Variants in GOSR2 observed in about 807,000 individuals in gnomAD.
GOSR2 encodes the protein 27 kDa Golgi SNARE protein.
Under a neutral mutation model 27.9 loss-of-function variants are expected in GOSR2, and 20 were observed. The observed-to-expected ratio is 0.72, with a 90% CI of 0.50 to 1.04. GOSR2 has a LOEUF of 1.04. Ranked by LOEUF, GOSR2 falls within the 50% of genes least tolerant of loss-of-function variation. The pLI is 0.00. For missense variants in GOSR2, 261 were observed against 270.5 expected, an observed-to-expected ratio of 0.97 and a Z score of 0.25; for synonymous variants, 91 against 98.8, an observed-to-expected ratio of 0.92 and a Z score of 0.47.
At chr17:46,942,329 G>A (rs2089393324), downstream of GOSR2, among the ~76,000 whole-genome samples, 1 of 152,212 alleles carries the variant, frequency 6.6e-6, no homozygotes, top group African/African-American at 2.4e-5. Flanking sequence ...GGATTTTCCT[G>A]GCTCCATCCC....
downstream of GOSR2, among the ~76,000 whole-genome samples, chr17:46,945,041 G>C (rs147217245): frequency 1.4e-3 from 218 of 152,314 alleles, 1 homozygote; most frequent in Middle Eastern, 6.8e-3. Context: ...AGGTTGAGAG[G>C]TGATAGTTTA....
At chr17:46,943,150 G>A (rs1042082440), downstream of GOSR2, among the ~76,000 whole-genome samples, 3 of 152,108 alleles carry the variant, frequency 2.0e-5, no homozygotes, top group Admixed American at 1.3e-4. Flanking sequence ...AGGCTAGCCC[G>A]TCCCCCATGC....
At position 46,940,805 on chromosome 17, in the gene GOSR2, C is replaced by A; in HGVS notation, c.*2045C>A. 1.3e-6 allele frequency: 2 copies of A among 1,482,306 alleles called. No individual in the cohort carries two copies. The highest frequency in any genetic ancestry group is 1.8e-6 in the Non-Finnish European group (2 of 1,118,314). The allele number at this position is 1,482,306 out of a possible 1,614,324, so 91.8% of individuals were successfully genotyped here. A position where few individuals can be genotyped will look rare whatever the true frequency, so the allele number is the denominator to read the frequency against. On this transcript the variant is annotated 3_prime_UTR_variant, in exon 6 of 6. Coordinates refer to ENST00000640051, the MANE Select transcript of GOSR2 (RefSeq NM_004287.5). ...AAAATTGCAGAGGTGGTTTTTGGGT[C>A]TTTACCACCTGCGGCTGGTGGACAG...
chr17:46,962,025 T>C (rs1297168054), intron 6 of GOSR2, among the ~76,000 whole-genome samples: 1 of 151,954 alleles, frequency 6.6e-6, no homozygotes, highest in Non-Finnish European at 1.5e-5. Context: ...TGGGGCATAG[T>C]TGGAATTCCA....
intron 5 of GOSR2, chr17:46,937,688 T>C (rs2088627034): frequency 6.6e-6 from 1 of 152,248 alleles, no homozygotes; most frequent in Non-Finnish European, 1.5e-5. Flanking sequence ...TTCATGCTAC[T>C]CTTTTCTATG....
rs2087307496 is a variant in GOSR2, at chr17:46,931,130, C to G, written c.126C>G (p.Asp42Glu). 3 of 1,608,630 alleles carry G rather than the reference C, an allele frequency of 1.9e-6. No homozygotes were observed. The highest frequency in any genetic ancestry group is 2.6e-6 in the Non-Finnish European group (3 of 1,175,370). Residue 42 changes from aspartate (D) to glutamate (E), a missense_variant, in exon 3 of 6, where the codon GAC (aspartate) becomes GAG (glutamate). Coordinates refer to ENST00000640051, the MANE Select transcript of GOSR2 (RefSeq NM_004287.5). ...AAAACGAAATCCAAGCAAGCATAGA[C>G]CAGATATTCAGCCGTCTAGAACGTC... ...IVENEIQASI[D>E]QIFSRLERLE...
intron 1 of GOSR2, among the ~76,000 whole-genome samples, chr17:46,924,964 A>G (rs562957661): frequency 4.0e-4 from 61 of 152,318 alleles, no homozygotes; most frequent in African/African-American, 1.4e-3. Flanking sequence ...GAATAACTTT[A>G]TTTAGAGAGT....
intron 1 of GOSR2, 143 bp from the exon 2 acceptor site, chr17:46,929,377 A>G (rs924778768): frequency 1.4e-6 from 1 of 694,284 alleles, no homozygotes. Flanking sequence ...CGTGGGACCT[A>G]AAGTGCCACA....
In GOSR2 at chr17:46,939,342, C is replaced by G. The variant is rs2088929389; in HGVS notation, c.*582C>G. Reference sequence around the variant, plus strand: ...CCTGGAAGCAGCTACCTAGGGGAAACAAGATGTAGTGCTATTGCCGATAAC... The same window carrying G: ...CCTGGAAGCAGCTACCTAGGGGAAAGAAGATGTAGTGCTATTGCCGATAAC... On this transcript the variant is annotated 3_prime_UTR_variant, in exon 6 of 6. Coordinates refer to ENST00000640051, the MANE Select transcript of GOSR2 (RefSeq NM_004287.5). 3 of 1,009,546 alleles carry G rather than the reference C, an allele frequency of 3.0e-6. No individual in the cohort carries two copies. The highest frequency in any genetic ancestry group is 3.6e-6 in the Non-Finnish European group (3 of 842,280). The allele number at this position is 1,009,546 out of a possible 1,614,324, so 62.5% of individuals were successfully genotyped here. A position where few individuals can be genotyped will look rare whatever the true frequency, so the allele number is the denominator to read the frequency against.
intron 1 of GOSR2, chr17:46,923,598 G>A (rs2146703317): frequency 7.7e-7 from 1 of 1,291,596 alleles, no homozygotes; most frequent in South Asian, 2.9e-5. Context: ...ACGGCCCCTG[G>A]CCGTAGGAGT....
chr17:46,957,751 T>G (rs1215045083), intron 6 of GOSR2, among the ~76,000 whole-genome samples: 2 of 152,180 alleles, frequency 1.3e-5, no homozygotes, highest in Non-Finnish European at 2.9e-5. Context: ...GGATGCAGTT[T>G]GAACCTGTAT....
intron 6 of GOSR2, among the ~76,000 whole-genome samples, chr17:46,956,913 T>C (rs984514945): frequency 6.6e-6 from 1 of 152,138 alleles, no homozygotes. Context: ...AAGAAAGTGA[T>C]GAATCCCCAA....
intron 3 of GOSR2, chr17:46,931,834 T>A: frequency 3.5e-6 from 2 of 578,444 alleles, no homozygotes; most frequent in Non-Finnish European, 6.2e-6. Context: ...GAGCAACAGA[T>A]TCTGAAGTCA....
At chr17:46,952,380 CATAGACACTGCTGGTT>C (rs546839306) in intron 6 of GOSR2, among the ~76,000 whole-genome samples, 69 of 152,318 alleles carry the variant, frequency 4.5e-4, no homozygotes, top group African/African-American at 1.5e-3. Flanking sequence ...CTGGAATTCC[CATAGACACTGCTGGTT>C]TCCTGACCAA....
downstream of GOSR2, among the ~76,000 whole-genome samples, chr17:46,946,229 A>G (rs980760503): frequency 4.7e-5 from 7 of 149,522 alleles, no homozygotes; most frequent in Admixed American, 1.3e-4. Context: ...TGAGGTCAGG[A>G]GTTCGAGACC....
chr17:46,925,881 A>C (rs913610629), intron 1 of GOSR2, among the ~76,000 whole-genome samples: 1 of 152,190 alleles, frequency 6.6e-6, no homozygotes, highest in Non-Finnish European at 1.5e-5. Context: ...AACAATAAAC[A>C]TTTTACACTT....
intron 5 of GOSR2, chr17:46,936,093 ACCT>A (rs2088288738): frequency 1.0e-6 from 1 of 985,582 alleles, no homozygotes; most frequent in Non-Finnish European, 1.2e-6. Context: ...AGTGACACTC[ACCT>A]CCTGCTGACA....
chr17:46,968,230 G>A (rs2091355540), downstream of GOSR2, among the ~76,000 whole-genome samples: 1 of 152,144 alleles, frequency 6.6e-6, no homozygotes, highest in Admixed American at 6.5e-5. Flanking sequence ...GGCGTCCAGA[G>A]ACCTCCCTGC....
chr17:46,948,337 A>G (rs990913131), intron 6 of GOSR2, among the ~76,000 whole-genome samples: 2 of 152,354 alleles, frequency 1.3e-5, no homozygotes, highest in African/African-American at 4.8e-5. Flanking sequence ...GTGGTTGTTC[A>G]CTAGCATTGC....
Sources: allele counts gnomAD v4.1 joint callset (sites outside exome capture counted in the v4.1 genomes callset), GRCh38; gene constraint gnomAD v4.1.1; transcripts MANE v1.5; gene names NCBI Gene and HGNC (gene_info 2026-07-23, HGNC 2026-07-21).